UTS2: variants seen among roughly 807,000 people sequenced by gnomAD.
The protein encoded by UTS2 is urotensin 2, also known as urotensin-2.
A neutral mutation model predicts 12.6 loss-of-function variants in UTS2; 10 were observed. That is an observed-to-expected ratio of 0.80 (90% confidence interval 0.49 to 1.35). The LOEUF is 1.35. Ranked by LOEUF, UTS2 falls within the 40% of genes most tolerant of loss-of-function variation. The pLI is 0.00. For missense variants in UTS2, 142 were observed against 143.2 expected (o/e 0.99, Z 0.04); for synonymous variants, 52 against 50.0 (o/e 1.04, Z -0.17).
At chr1:7,873,173 G>C in the UTS2 span, among the ~76,000 whole-genome samples, 1 of 152,086 alleles carries the variant, frequency 6.6e-6, no homozygotes, top group African/African-American at 2.4e-5. Context: ...ATTATTGCTC[G>C]CAAACAGTGC....
chr1:7,863,101 T>TTGTATTGTACTGTACTGTAC, the UTS2 span, among the ~76,000 whole-genome samples: 1 of 131,248 alleles, frequency 7.6e-6, no homozygotes, highest in East Asian at 2.4e-4. Context: ...TTGTATTGTA[T>TTGTATTGTACTGTACTGTAC]TGTATTGTAT....
the UTS2 span, among the ~76,000 whole-genome samples, chr1:7,862,978 TTATTGTGTTGTGTTG>T: frequency 3.8e-5 from 2 of 52,196 alleles, no homozygotes; most frequent in South Asian, 4.2e-4. Context: ...CGGCCGTTAT[TTATTGTGTTGTGTTG>T]TATTGTATTG....
At chr1:7,900,438 G>A in the UTS2 span, among the ~76,000 whole-genome samples, 34 of 151,890 alleles carry the variant, frequency 2.2e-4, no homozygotes, top group African/African-American at 7.5e-4. Context: ...GGAAGGAAGC[G>A]AGCAAGGTAG....
intron 3 of UTS2, 44 bp from the exon 4 acceptor site, chr1:7,847,926 A>T: frequency 1.5e-6 from 2 of 1,377,794 alleles, no homozygotes; most frequent in Non-Finnish European, 2.0e-6. Context: ...AAAAACAGAT[A>T]AGTTACCAAC....
At chr1:7,906,477 A>AAG in the UTS2 span, among the ~76,000 whole-genome samples, 3 of 149,002 alleles carry the variant, frequency 2.0e-5, no homozygotes, top group African/African-American at 7.5e-5. Context: ...GAAAGAAAGA[A>AAG]AGAAAGAAAG....
chr1:7,902,403 A>G, the UTS2 span, among the ~76,000 whole-genome samples: 3 of 151,950 alleles, frequency 2.0e-5, no homozygotes, highest in South Asian at 2.1e-4. Context: ...TTTGGTAAAG[A>G]CTCTGAAAAT....
the UTS2 span, among the ~76,000 whole-genome samples, chr1:7,876,212 G>A: frequency 6.6e-6 from 1 of 151,856 alleles, no homozygotes; most frequent in Non-Finnish European, 1.5e-5. Context: ...GTCTGGGCCC[G>A]GGGGATCAAC....
chr1:7,896,468 G>A, the UTS2 span, among the ~76,000 whole-genome samples: 1 of 152,138 alleles, frequency 6.6e-6, no homozygotes, highest in Non-Finnish European at 1.5e-5. Context: ...TAATATTTGT[G>A]TGTGTATGTG....
At chr1:7,895,198 G>A in the UTS2 span, among the ~76,000 whole-genome samples, 1 of 151,964 alleles carries the variant, frequency 6.6e-6, no homozygotes, top group African/African-American at 2.4e-5. Flanking sequence ...GGGAAACCCT[G>A]TCTCTACTAA....
intron 2 of UTS2, 119 bp from the exon 3 acceptor site, chr1:7,849,802 C>G (rs997186233): frequency 2.3e-6 from 2 of 853,418 alleles, no homozygotes; most frequent in Admixed American, 3.3e-5. Flanking sequence ...TTCCACACTG[C>G]AGCAAGCTTT....
upstream of UTS2, among the ~76,000 whole-genome samples, chr1:7,854,791 T>A (rs1336911630): frequency 6.6e-6 from 1 of 152,138 alleles, no homozygotes; most frequent in Non-Finnish European, 1.5e-5. Context: ...GTAATACACA[T>A]GCGAATTAGC....
chr1:7,907,283 C>G, the UTS2 span, among the ~76,000 whole-genome samples: 1 of 151,654 alleles, frequency 6.6e-6, no homozygotes, highest in Non-Finnish European at 1.5e-5. Context: ...AGTGGTTGAT[C>G]TTATAAACTA....
chr1:7,874,471 A>G, the UTS2 span, among the ~76,000 whole-genome samples: 1 of 152,210 alleles, frequency 6.6e-6, no homozygotes, highest in African/African-American at 2.4e-5. Context: ...ATGTCCACCC[A>G]GAAGGCTGCA....
chr1:7,881,758 T>A, the UTS2 span, among the ~76,000 whole-genome samples: 1 of 152,170 alleles, frequency 6.6e-6, no homozygotes, highest in African/African-American at 2.4e-5. Context: ...AATGACATTC[T>A]TCACAGAAAA....
the UTS2 span, among the ~76,000 whole-genome samples, chr1:7,898,329 A>G: frequency 6.6e-6 from 1 of 152,168 alleles, no homozygotes; most frequent in Non-Finnish European, 1.5e-5. Flanking sequence ...TACAAAGAAA[A>G]AAAGCACTAA....
chr1:7,911,900 C>CAAAAAAAA, the UTS2 span, among the ~76,000 whole-genome samples: 13 of 133,660 alleles, frequency 9.7e-5, no homozygotes, highest in African/African-American at 2.6e-4. Context: ...GACTCTGTCT[C>CAAAAAAAA]AAAAAAAAAA....
chr1:7,874,458 G>A, the UTS2 span, among the ~76,000 whole-genome samples: 8,296 of 152,138 alleles, frequency 0.055, 1,002 homozygotes, highest in East Asian at 0.46. Context: ...CTGACATTCC[G>A]CCATGTCCAC....
At chr1:7,870,868 C>G in the UTS2 span, among the ~76,000 whole-genome samples, 1 of 152,182 alleles carries the variant, frequency 6.6e-6, no homozygotes, top group Non-Finnish European at 1.5e-5. Context: ...GTTTTTTACT[C>G]GTTTCATGAA....
the UTS2 span, among the ~76,000 whole-genome samples, chr1:7,911,055 G>A: frequency 6.6e-6 from 1 of 152,060 alleles, no homozygotes; most frequent in African/African-American, 2.4e-5. Flanking sequence ...TCAAAGGGAA[G>A]CCCAGGCTCA....
Sources: gnomAD v4.1 joint callset for allele counts (sites outside exome capture counted in the v4.1 genomes callset) on GRCh38, gnomAD v4.1.1 for gene constraint, MANE v1.5 for transcripts, NCBI Gene and HGNC (gene_info 2026-07-23, HGNC 2026-07-21) for gene names.